Variants in ZDHHC22 observed in about 807,000 individuals in gnomAD.
ZDHHC22 encodes palmitoyltransferase ZDHHC22.
Under a neutral mutation model 17.0 loss-of-function variants are expected in ZDHHC22, and 13 were observed. That is an observed-to-expected ratio of 0.76 (90% CI 0.50 to 1.21). ZDHHC22 has a LOEUF of 1.21. Ranked by LOEUF, ZDHHC22 falls within the 50% of genes most tolerant of loss-of-function variation. The probability of loss-of-function intolerance (pLI) is 0.00; values close to 1 mark genes in which losing one functional copy is unlikely to be tolerated. For synonymous variants in ZDHHC22, 138 were observed against 154.7 expected, an observed-to-expected ratio of 0.89 and a Z score of 0.80; for missense variants, 319 against 342.3, an observed-to-expected ratio of 0.93 and a Z score of 0.54.
Position 77,139,669 on chromosome 14 carries a change from C to G in ZDHHC22, c.70G>C (p.Val24Leu), listed in dbSNP as rs766170829. Residue 24 changes from valine to leucine, a missense_variant, in exon 2 of 3, where the codon GTG (valine) becomes CTG (leucine). Physicochemically the swap from Val to Leu is conservative, Grantham distance 32 (BLOSUM62 1). Coordinates refer to ENST00000319374, the MANE Select transcript of ZDHHC22 (RefSeq NM_174976.2). ...YFLCISLVTF[V>L]LQLFLFLPSM... ...GGCAGGAAGAGGAAGAGCTGCAGCA[C>G]GAAGGTCACCAGGGAGATGCACAAG... 3.2e-6 allele frequency: 5 copies of G among 1,561,006 alleles called. No homozygotes were observed. Among genetic ancestry groups the G allele is most frequent in the Middle Eastern group, 1.7e-4 (1 of 5,782 alleles).
chr14:77,133,810 C>G lies in ZDHHC22; in HGVS notation c.665G>C (p.Gly222Ala), dbSNP rs1326095306. The G allele has an allele frequency of 5.0e-6, 8 of 1,613,848 alleles. No individual in the cohort carries two copies. The highest frequency in any genetic ancestry group is 6.8e-6 in the Non-Finnish European group (8 of 1,179,902). Residue 222 changes from glycine (G) to alanine (A), a missense_variant, in exon 3 of 3, where the codon GGG becomes GCG. By Grantham distance (60) the Gly-to-Ala change is moderately conservative. Transcript: ENST00000319374. ...CCAGGGCCGGGCCCTCACTGCCACC[C>G]CCTTCCGCACCTGGTGGCGGGTCTG... ...RGQTRHQVRK[G>A]VAVRARPWRK...
chr14:77,133,520 T>C lies in ZDHHC22; in HGVS notation c.*163A>G. On this transcript the variant is annotated 3_prime_UTR_variant, in exon 3 of 3. Transcript: ENST00000319374. ...GGGACATTTTTCCTCCTTGTCATGA[T>C]CCACCAGCTCACGCTGTTCTCATGG... 1.0e-6 allele frequency: 1 copy of C among 997,294 alleles called. No homozygotes were observed. The highest frequency in any genetic ancestry group is 1.4e-6 in the Non-Finnish European group (1 of 718,216). The allele number at this position is 997,294 out of a possible 1,614,324, so 61.8% of individuals were successfully genotyped here.
chr14:77,139,863 CA>C, intron 1 of ZDHHC22, 111 bp from the exon 2 acceptor site: 1 of 1,146,652 alleles, frequency 8.7e-7, no homozygotes, highest in South Asian at 1.8e-5. Context: ...TCCACGCCCC[CA>C]ACCCCCTGTC....
chr14:77,135,194 G>A (rs909337963), intron 2 of ZDHHC22, among the ~76,000 whole-genome samples: 4 of 151,834 alleles, frequency 2.6e-5, no homozygotes, highest in Admixed American at 1.3e-4. Flanking sequence ...CTCTGGTGGG[G>A]GGGGGGCACC....
Position 77,139,628 on chromosome 14 carries a change from G to C in ZDHHC22, c.111C>G (p.Asp37Glu). 6.3e-7 allele frequency: 1 copy of C among 1,580,108 alleles called. No homozygotes were observed. The highest frequency in any genetic ancestry group is 8.6e-7 in the Non-Finnish European group (1 of 1,162,834). The change falls in exon 2 of 3, where the codon GAC becomes GAG. Residue 37 changes from aspartate to glutamate, a missense_variant. Transcript: ENST00000319374. ...GCGAGAAGAGCCGGGCGGCCGCGGG[G>C]TCCTCGCGCATGCTGGGCAGGAAGA... ...LFLFLPSMREDPAAARLFSPA... is the reference protein window; with the variant it reads ...LFLFLPSMREEPAAARLFSPA...
At chr14:77,139,095 G>A (rs937859878) in intron 2 of ZDHHC22, 118 bp downstream of exon 2, 1 of 1,100,652 alleles carries the variant, frequency 9.1e-7, no homozygotes, top group East Asian at 2.6e-5. Context: ...TTAGCGGGAC[G>A]GTCTGTATTT....
Position 77,141,702 on chromosome 14 carries a change from C to T in ZDHHC22, c.-114G>A, listed in dbSNP as rs1396666982. 1 of 152,380 alleles carries T rather than the reference C, an allele frequency of 6.6e-6. No homozygotes were observed. Among genetic ancestry groups the T allele is most frequent in the Non-Finnish European group, 1.5e-5 (1 of 68,104 alleles). The allele number at this position is 152,380 out of a possible 1,614,324, so 9.4% of individuals were successfully genotyped here. A position where few individuals can be genotyped will look rare whatever the true frequency, so the allele number is the denominator to read the frequency against. The stretch of plus-strand genomic sequence containing the variant: ...CGGCCCGGCTGGCTCGCAGCCTGCG[C>T]TTCGCTTCGGGAACTGGGCAAGTAG... On this transcript the variant is annotated 5_prime_UTR_variant, in exon 1 of 3. Coordinates refer to ENST00000319374, the MANE Select transcript of ZDHHC22 (RefSeq NM_174976.2).
Position 77,133,715 on chromosome 14 carries a change from C to T in ZDHHC22, c.760G>A (p.Gly254Arg), listed in dbSNP as rs762085223. The T allele has an allele frequency of 9.3e-6, 15 of 1,613,786 alleles. No individual in the cohort carries two copies. The highest frequency in any genetic ancestry group is 1.7e-5 in the Admixed American group (1 of 59,994). Residue 254 changes from glycine (G) to arginine (R), a missense_variant, in exon 3 of 3, where the codon GGA becomes AGA. Transcript: ENST00000319374. ...TCCTGCTGCTTGGAGCTCTCACTTC[C>T]GACATTGAACATGGGGACCAGCAGG... ...LGLLVPMFNV[G>R]SESSKQQDK
intron 2 of ZDHHC22, among the ~76,000 whole-genome samples, chr14:77,134,469 G>A (rs936129556): frequency 2.0e-5 from 3 of 152,222 alleles, no homozygotes; most frequent in Non-Finnish European, 4.4e-5. Context: ...ATGACAGCAT[G>A]ATGGAGATCT....
At chr14:77,137,861 C>T (rs1025951708) in intron 2 of ZDHHC22, among the ~76,000 whole-genome samples, 5 of 152,156 alleles carry the variant, frequency 3.3e-5, no homozygotes, top group African/African-American at 4.8e-5. Context: ...AAGTAGCTGC[C>T]CTCTGCCTTT....
In ZDHHC22 at chr14:77,139,764, G is replaced by A. The variant is rs973805871; in HGVS notation, c.-14-12C>T. ...CCTCGATTACATTCCTGCGGGGCCC[G>A]GGGTGAGAAGAGGACTGACTGACTA... is the stretch of plus-strand genomic sequence containing the variant. On this transcript the variant is annotated splice_polypyrimidine_tract_variant and intron_variant, in intron 1 of 2. Coordinates refer to ENST00000319374, the MANE Select transcript of ZDHHC22 (RefSeq NM_174976.2). 3.4e-6 allele frequency: 5 copies of A among 1,466,036 alleles called. No homozygotes were observed. In the African/African-American group the frequency reaches 7.1e-5, roughly 21 times the overall value. The allele number at this position is 1,466,036 out of a possible 1,614,324, so 90.8% of individuals were successfully genotyped here.
Position 77,135,470 on chromosome 14 carries a change from A to AT in ZDHHC22, c.527-1523dup, listed in dbSNP as rs1423784971. Among the ~76,000 whole-genome samples the AT allele has an allele frequency of 3.6e-3, 503 of 138,284 alleles. 3 individuals are homozygous for AT. The highest frequency in any genetic ancestry group is 0.013 in the African/African-American group (485 of 36,480). 90.7% of individuals were successfully genotyped at this position (138,284 alleles called of 152,430 possible). On this transcript the variant is annotated intron_variant, in intron 2 of 2. Coordinates refer to ENST00000319374, the MANE Select transcript of ZDHHC22 (RefSeq NM_174976.2). ...CATCCCTAGGAGCTTGGATAGCTGT[A>AT]TTATTTTTTTTTTTTTTTACAAAGC...
intron 2 of ZDHHC22, among the ~76,000 whole-genome samples, chr14:77,136,838 A>G (rs1179223237): frequency 1.2e-4 from 19 of 152,168 alleles, no homozygotes; most frequent in Admixed American, 1.2e-3. Flanking sequence ...TGGCATGATC[A>G]TAGCTCACTG....
At chr14:77,141,264 G>T (rs1201575269) in intron 1 of ZDHHC22, 1 of 144,378 alleles carries the variant, frequency 6.9e-6, no homozygotes, top group Non-Finnish European at 1.5e-5. Flanking sequence ...CCAGGGGGGC[G>T]CGGGAGCAGC....
rs182100882 is a variant in ZDHHC22 at position 77,134,661 on chromosome 14, C to A, written c.527-713G>T. Among the ~76,000 whole-genome samples, 19 of 152,272 alleles carry A rather than the reference C, an allele frequency of 1.2e-4. No individual in the cohort carries two copies. The East Asian group carries it at 3.7e-3, about 29-fold the overall frequency. Reference sequence around the variant, plus strand: ...AGGTCATCAGCCCTGTGTCGTGGGGCAGGATCTCCCCAGAATCCCTCTAAA... The same window carrying A: ...AGGTCATCAGCCCTGTGTCGTGGGGAAGGATCTCCCCAGAATCCCTCTAAA... On this transcript the variant is annotated intron_variant, in intron 2 of 2. Transcript: ENST00000319374.
intron 2 of ZDHHC22, among the ~76,000 whole-genome samples, chr14:77,136,489 G>C (rs1887138888): frequency 6.6e-6 from 1 of 152,224 alleles, no homozygotes; most frequent in African/African-American, 2.4e-5. Flanking sequence ...ATACAGGTCA[G>C]ATGGTGGCAT....
chr14:77,133,968 G>A lies in ZDHHC22; in HGVS notation c.527-20C>T. On this transcript the variant is annotated intron_variant, in intron 2 of 2. Coordinates refer to ENST00000319374, the MANE Select transcript of ZDHHC22 (RefSeq NM_174976.2). The stretch of plus-strand genomic sequence containing the variant: ...CAGCTCCTGCAGGGCACGGGGAGGG[G>A]AAACACCAGAGCCGCTTTACACCCA... 1.3e-6 allele frequency: 2 copies of A among 1,542,784 alleles called. No individual in the cohort carries two copies. Among genetic ancestry groups the A allele is most frequent in the Non-Finnish European group, 1.7e-6 (2 of 1,145,414 alleles).
In ZDHHC22 at chr14:77,133,760, C is replaced by G; in HGVS notation, c.715G>C (p.Gly239Arg). 1 of 1,614,028 alleles carries G rather than the reference C, an allele frequency of 6.2e-7. No individual in the cohort carries two copies. Among genetic ancestry groups the G allele is most frequent in the Non-Finnish European group, 8.5e-7 (1 of 1,179,902 alleles). The change falls in exon 3 of 3, where the codon GGA becomes CGA. Residue 239 changes from glycine (G) to arginine (R), a missense_variant. By Grantham distance (125) the Gly-to-Arg change is moderately radical. Coordinates refer to ENST00000319374, the MANE Select transcript of ZDHHC22 (RefSeq NM_174976.2). Reference sequence around the variant, plus strand: ...AGCAGGCCCAGCAGCCACCTCTTTCCGAAGACCTCTTGTAAGTTCTTGCGC... The same window carrying G: ...AGCAGGCCCAGCAGCCACCTCTTTCGGAAGACCTCTTGTAAGTTCTTGCGC... Reference protein sequence around the residue: ...PWRKNLQEVFGKRWLLGLLVP... With the variant: ...PWRKNLQEVFRKRWLLGLLVP...
In ZDHHC22 at chr14:77,133,722, G is replaced by C. The variant is rs201996774; in HGVS notation, c.753C>G (p.Phe251Leu). The C allele has an allele frequency of 5.5e-5, 89 of 1,613,948 alleles. No homozygotes were observed. In the African/African-American group the frequency reaches 1.0e-3, roughly 19 times the overall value. ...RWLLGLLVPM[F>L]NVGSESSKQQ... Reference sequence around the variant, plus strand: ...GCTTGGAGCTCTCACTTCCGACATTGAACATGGGGACCAGCAGGCCCAGCA... The same window carrying C: ...GCTTGGAGCTCTCACTTCCGACATTCAACATGGGGACCAGCAGGCCCAGCA... The change falls in exon 3 of 3, where the codon TTC becomes TTG. Residue 251 changes from phenylalanine to leucine, a missense_variant. Coordinates refer to ENST00000319374, the MANE Select transcript of ZDHHC22 (RefSeq NM_174976.2).
Sources: gnomAD v4.1 joint callset for allele counts (sites outside exome capture counted in the v4.1 genomes callset) on GRCh38, gnomAD v4.1.1 for gene constraint, MANE v1.5 for transcripts, NCBI Gene and HGNC (gene_info 2026-07-23, HGNC 2026-07-21) for gene names.